Variants in DNM3 observed in about 807,000 individuals in gnomAD.
DNM3 encodes the protein dynamin-3.
DNM3 carries 47 observed loss-of-function variants against 101.6 expected under a neutral mutation model. That is an observed-to-expected ratio of 0.46 (90% CI 0.37 to 0.59). The LOEUF is 0.59. DNM3 is among the 20% of genes least tolerant of loss of function. The probability of loss-of-function intolerance (pLI) is 0.00; values close to 1 mark genes in which losing one functional copy is unlikely to be tolerated. For synonymous variants in DNM3, 385 were observed against 387.9 expected (o/e 0.99, Z 0.09); for missense variants, 849 against 1,085.7 (o/e 0.78, Z 3.06).
intron 14 of DNM3, among the ~76,000 whole-genome samples, chr1:172,236,085 T>G (rs2061534376): frequency 6.6e-6 from 1 of 152,144 alleles, no homozygotes; most frequent in Non-Finnish European, 1.5e-5. Context: ...AGTTTGCCAA[T>G]CAGTGCTCCA....
intron 1 of DNM3, among the ~76,000 whole-genome samples, chr1:171,876,570 AGT>A (rs1342896923): frequency 1.3e-5 from 2 of 152,070 alleles, no homozygotes; most frequent in East Asian, 1.9e-4. Context: ...TTTATTCCTG[AGT>A]GTCTTTTCCT....
chr1:171,858,196 G>C (rs1159487896), intron 1 of DNM3, among the ~76,000 whole-genome samples: 1 of 152,202 alleles, frequency 6.6e-6, no homozygotes, highest in African/African-American at 2.4e-5. Flanking sequence ...GGTTGGTACT[G>C]AGAGTGAGGA....
At chr1:172,202,234 T>C (rs536935574) in intron 14 of DNM3, among the ~76,000 whole-genome samples, 2 of 152,200 alleles carry the variant, frequency 1.3e-5, no homozygotes, top group Non-Finnish European at 2.9e-5. Context: ...TAGGATGAGT[T>C]AGGAAGTGTT....
intron 14 of DNM3, among the ~76,000 whole-genome samples, chr1:172,196,412 G>A (rs1242358028): frequency 6.6e-6 from 1 of 151,956 alleles, no homozygotes; most frequent in Non-Finnish European, 1.5e-5. Context: ...TATTCCTCTG[G>A]TTTTATACCC....
At chr1:172,392,095 G>A (rs2069574362) in intron 20 of DNM3, among the ~76,000 whole-genome samples, 1 of 152,222 alleles carries the variant, frequency 6.6e-6, no homozygotes, top group Admixed American at 6.5e-5. Flanking sequence ...AGGAGAGGAA[G>A]GAGAGAGGTG....
At chr1:172,227,498 A>G (rs1286059026) in intron 14 of DNM3, among the ~76,000 whole-genome samples, 2 of 151,784 alleles carry the variant, frequency 1.3e-5, no homozygotes, top group Non-Finnish European at 2.9e-5. Context: ...TGTTTGAGAG[A>G]TCTCCATACT....
chr1:172,066,952 T>G (rs199738403), intron 10 of DNM3, among the ~76,000 whole-genome samples: 25 of 150,132 alleles, frequency 1.7e-4, no homozygotes, highest in Admixed American at 2.0e-4. Context: ...GTCTCTGTGT[T>G]TGTGTGTGTG....
At chr1:171,949,438 C>G (rs918718817) in intron 2 of DNM3, among the ~76,000 whole-genome samples, 1 of 152,178 alleles carries the variant, frequency 6.6e-6, no homozygotes, top group African/African-American at 2.4e-5. Flanking sequence ...GAGACAGGCT[C>G]TCCTGCTGTC....
intron 17 of DNM3, among the ~76,000 whole-genome samples, chr1:172,337,866 TTTTTATTTTATTTTA>T (rs567308271): frequency 0.057 from 6,449 of 113,100 alleles, 219 homozygotes; most frequent in East Asian, 0.11. Flanking sequence ...TTTTATTTTA[TTTTTATTTTATTTTA>T]TTTTATTTTA....
intron 14 of DNM3, among the ~76,000 whole-genome samples, chr1:172,148,582 TG>T (rs1656080297): frequency 6.6e-6 from 1 of 152,164 alleles, no homozygotes; most frequent in South Asian, 2.1e-4. Flanking sequence ...TCTAATGTTC[TG>T]GAAGCATCCT....
chr1:172,253,502 C>G, intron 14 of DNM3, 71 bp from the exon 15 acceptor site: 1 of 169,502 alleles, frequency 5.9e-6, no homozygotes, highest in South Asian at 8.3e-5. Flanking sequence ...CTCCTCTCCT[C>G]TCCTCTCCTC....
chr1:172,354,112 TGAGAGAGA>T (rs71563205), intron 17 of DNM3, among the ~76,000 whole-genome samples: 33 of 94,964 alleles, frequency 3.5e-4, no homozygotes, highest in Non-Finnish European at 5.6e-4. Context: ...TGTGTGTGTG[TGAGAGAGA>T]GAGAGAGAGA....
chr1:171,858,282 A>G (rs1429413788), intron 1 of DNM3, among the ~76,000 whole-genome samples: 1 of 152,148 alleles, frequency 6.6e-6, no homozygotes, highest in Non-Finnish European at 1.5e-5. Flanking sequence ...TCTTAGCTTG[A>G]TAAGCTAGTG....
chr1:172,163,470 C>A (rs2058624786), intron 14 of DNM3, among the ~76,000 whole-genome samples: 1 of 151,954 alleles, frequency 6.6e-6, no homozygotes, highest in African/African-American at 2.4e-5. Context: ...AATCTCTTGA[C>A]CTCGTGATCT....
chr1:172,406,729 T>C (rs181866464), intron 20 of DNM3, among the ~76,000 whole-genome samples: 10 of 152,182 alleles, frequency 6.6e-5, no homozygotes, highest in Admixed American at 1.3e-4. Context: ...TTTTCTTAAA[T>C]TTTTCTAACT....
chr1:172,084,279 T>G (rs1344264119), intron 12 of DNM3, among the ~76,000 whole-genome samples: 1 of 152,162 alleles, frequency 6.6e-6, no homozygotes, highest in Admixed American at 6.6e-5. Context: ...TCTATAAATG[T>G]GAGAGATCCT....
chr1:172,047,073 G>A (rs2049869417), intron 9 of DNM3, among the ~76,000 whole-genome samples: 1 of 152,088 alleles, frequency 6.6e-6, no homozygotes, highest in South Asian at 2.1e-4. Context: ...CATACTCATG[G>A]TATGCTTATT....
chr1:172,408,546 G>T lies in DNM3; in HGVS notation c.*705G>T, dbSNP rs993914021. The T allele has an allele frequency of 2.3e-5, 23 of 985,104 alleles. No homozygotes were observed. In the South Asian group the frequency reaches 8.9e-4, roughly 38 times the overall value. The allele number at this position is 985,104 out of a possible 1,614,324, so 61.0% of individuals were successfully genotyped here. On this transcript the variant is annotated 3_prime_UTR_variant, in exon 21 of 21. Transcript: ENST00000627582. ...TTTTTGTTAATCAGTCAATAAATTT[G>T]GCTAATTAGTTTCAGAGTTCAAGGA...
intron 14 of DNM3, among the ~76,000 whole-genome samples, chr1:172,177,044 G>C (rs1386765850): frequency 6.6e-6 from 1 of 151,864 alleles, no homozygotes; most frequent in Non-Finnish European, 1.5e-5. Flanking sequence ...GACTGAAGGT[G>C]CTTAACGCAA....
Sources: allele counts gnomAD v4.1 joint callset (sites outside exome capture counted in the v4.1 genomes callset), GRCh38; gene constraint gnomAD v4.1.1; transcripts MANE v1.5; gene names NCBI Gene and HGNC (gene_info 2026-07-23, HGNC 2026-07-21).